Variants in PLPPR3 observed in about 807,000 individuals in gnomAD.
PLPPR3 encodes the protein phospholipid phosphatase-related protein type 3.
A neutral mutation model predicts 27.3 loss-of-function variants in PLPPR3; 14 were observed. The ratio of observed to expected loss-of-function variants is 0.51; its 90% CI spans 0.34 to 0.80. The LOEUF (loss-of-function observed/expected upper bound fraction) is 0.80, where lower values mean the gene tolerates loss of function less well. Among genes scored for constraint, PLPPR3 ranks in the 30% least tolerant of loss-of-function variants. The pLI is 0.01. For synonymous variants in PLPPR3, 671 were observed against 508.0 expected, an observed-to-expected ratio of 1.32 and a Z score of -4.32; for missense variants, 1,287 against 1,056.9, an observed-to-expected ratio of 1.22 and a Z score of -3.02.
rs867537433 is a variant in PLPPR3 at position 812,940 on chromosome 19, G to A, written c.1787C>T (p.Ser596Leu). ...HAPHHPVVHL[S>L]AGGAPWEWKA... ...CCACTCCCAGGGCGCGCCGCCGGCC[G>A]ACAGGTGCACCACGGGGTGGTGCGG... Residue 596 changes from serine (S) to leucine (L), a missense_variant, in exon 8 of 8, where the codon TCG becomes TTG. By Grantham distance (145) the Ser-to-Leu change is moderately radical. Transcript: ENST00000520876. 7.3e-7 allele frequency: 1 copy of A among 1,372,034 alleles called. No homozygotes were observed. The highest frequency in any genetic ancestry group is 1.4e-5 in the South Asian group (1 of 69,738). The allele number at this position is 1,372,034 out of a possible 1,614,324, so 85.0% of individuals were successfully genotyped here. A position where few individuals can be genotyped will look rare whatever the true frequency, so the allele number is the denominator to read the frequency against.
At position 814,522 on chromosome 19, in the gene PLPPR3, C is replaced by T; in HGVS notation, c.743G>A (p.Cys248Tyr). The T allele has an allele frequency of 6.2e-7, 1 of 1,611,650 alleles. No individual in the cohort carries two copies. The change falls in exon 7 of 8, where the codon TGC becomes TAC. Residue 248 changes from cysteine to tyrosine, a missense_variant. Cys to Tyr is a radical substitution (Grantham distance 194, BLOSUM62 -2). Transcript: ENST00000520876. ...VFAFAIAAGV[C>Y]GLTQITQYRS... ...GTACTGCGTGATCTGCGTGAGCCCG[C>T]ATACGCCCGCGGCGATGGCAAAGGC...
intron 2 of PLPPR3, among the ~76,000 whole-genome samples, chr19:816,753 TCCAC>T (rs2035067975): frequency 1.4e-5 from 2 of 143,906 alleles, no homozygotes; most frequent in Middle Eastern, 3.7e-3. Flanking sequence ...CATCCATCCA[TCCAC>T]CCACCCATCA....
At chr19:823,012 G>T (rs976045129), upstream of PLPPR3, among the ~76,000 whole-genome samples, 2 of 151,964 alleles carry the variant, frequency 1.3e-5, no homozygotes, top group African/African-American at 4.8e-5. Flanking sequence ...CCAGCTACTC[G>T]GGAGGCTGAG....
chr19:812,996 G>A lies in PLPPR3; in HGVS notation c.1731C>T (p.Ser577=), dbSNP rs576780885. The A allele has an allele frequency of 1.3e-5, 20 of 1,513,268 alleles. No homozygotes were observed. The Admixed American group carries it at 3.2e-4, about 24-fold the overall frequency. The allele number at this position is 1,513,268 out of a possible 1,614,324, so 93.7% of individuals were successfully genotyped here. Residue 577 remains serine, a synonymous_variant, in exon 8 of 8, where the codon TCC becomes TCT. Transcript: ENST00000520876. ...GCGCGTCGATGGTCACGATGCTGGCGGAGTCGCGGTCCGACGGCGACCGGT... is the reference window on the plus strand; with the variant it reads ...GCGCGTCGATGGTCACGATGCTGGCAGAGTCGCGGTCCGACGGCGACCGGT... ...SQYRSPSDRD[S]ASIVTIDAHA... is the part of the protein sequence containing the mutation.
upstream of PLPPR3, among the ~76,000 whole-genome samples, chr19:822,582 C>T (rs1051322412): frequency 3.3e-5 from 5 of 152,272 alleles, no homozygotes; most frequent in East Asian, 5.8e-4. Flanking sequence ...TGGCCGCAGC[C>T]GCTCGGTGCG....
Position 814,558 on chromosome 19 carries a change from A to G in PLPPR3, c.707T>C (p.Ile236Thr). ...GGCGATGGCAAAGGCGAAGACCAGG[A>G]TGGGCTTCAGCAGCTTGGTGGTGTC... ...ISDTTKLLKPILVFAFAIAAG... is the reference protein window; with the variant it reads ...ISDTTKLLKPTLVFAFAIAAG... The change falls in exon 7 of 8, where the codon ATC becomes ACC. Residue 236 changes from isoleucine to threonine, a missense_variant. Transcript: ENST00000520876. 1 of 1,612,278 alleles carries G rather than the reference A, an allele frequency of 6.2e-7. No homozygotes were observed. Among genetic ancestry groups the G allele is most frequent in the African/African-American group, 1.3e-5 (1 of 75,026 alleles).
chr19:815,429 GTGGA>G lies in PLPPR3; in HGVS notation c.262-106_262-103del, dbSNP rs1219110777. ...CCCACAGGCTGGCACAGGCCCCGGT[GTGGA>G]TGTTCACCGAGGTGGCGGGGGTGGG... On this transcript the variant is annotated intron_variant, in intron 3 of 7. Transcript: ENST00000520876. 1.3e-5 allele frequency: 17 copies of G among 1,327,364 alleles called. No individual in the cohort carries two copies. In the East Asian group the frequency reaches 3.0e-4, roughly 24 times the overall value. 82.2% of individuals were successfully genotyped at this position (1,327,364 alleles called of 1,614,324 possible). A position where few individuals can be genotyped will look rare whatever the true frequency, so the allele number is the denominator to read the frequency against.
At chr19:820,256 T>C (rs2035124830) in intron 2 of PLPPR3, among the ~76,000 whole-genome samples, 1 of 152,014 alleles carries the variant, frequency 6.6e-6, no homozygotes, top group Admixed American at 6.6e-5. Context: ...TGATCACAAC[T>C]CACTACAGCC....
At chr19:816,403 C>T (rs2035055605) in intron 2 of PLPPR3, among the ~76,000 whole-genome samples, 1 of 58,262 alleles carries the variant, frequency 1.7e-5, no homozygotes, top group Non-Finnish European at 3.2e-5. Flanking sequence ...CATCATCCAT[C>T]CACCCATTCT....
In PLPPR3 at chr19:813,300, G is replaced by A. The variant is rs1370087604; in HGVS notation, c.1427C>T (p.Pro476Leu). 2.1e-6 allele frequency: 3 copies of A among 1,458,932 alleles called. No homozygotes were observed. The highest frequency in any genetic ancestry group is 2.7e-5 in the South Asian group (2 of 73,032). The allele number at this position is 1,458,932 out of a possible 1,614,324, so 90.4% of individuals were successfully genotyped here. A position where few individuals can be genotyped will look rare whatever the true frequency, so the allele number is the denominator to read the frequency against. The change falls in exon 8 of 8, where the codon CCG (proline) becomes CTG (leucine). Residue 476 changes from proline to leucine, a missense_variant. Physicochemically the swap from Pro to Leu is moderately conservative, Grantham distance 98 (BLOSUM62 -3). Coordinates refer to ENST00000520876, the MANE Select transcript of PLPPR3 (RefSeq NM_001270366.2). The surrounding 1 kb of genome is among the most constrained non-coding windows in gnomAD (Gnocchi z 4.1). The part of the protein sequence containing the change: ...PSLYPTVQAR[P>L]GLGPRVILPP... ...GAGGATGACCCGAGGCCCCAGCCCC[G>A]GCCGCGCCTGCACGGTGGGGTAGAG...
At chr19:822,141 C>CCGGGGGTCT (rs1156430579), upstream of PLPPR3, among the ~76,000 whole-genome samples, 1 of 151,730 alleles carries the variant, frequency 6.6e-6, no homozygotes, top group Non-Finnish European at 1.5e-5. Flanking sequence ...CCTCCCACCG[C>CCGGGGGTCT]CGGGGGTCTC....
Position 814,415 on chromosome 19 carries a change from A to C in PLPPR3, c.831+19T>G, listed in dbSNP as rs1339057046. ...CCCCTGGGAACCCATGCCGACCCCC[A>C]TCAGAACCTGCCACTCACCAGGTAG... On this transcript the variant is annotated intron_variant, in intron 7 of 7. Transcript: ENST00000520876. The C allele has an allele frequency of 4.4e-6, 7 of 1,584,686 alleles. No homozygotes were observed. Among genetic ancestry groups the C allele is most frequent in the Non-Finnish European group, 6.0e-6 (7 of 1,168,034 alleles).
chr19:813,600 G>T lies in PLPPR3; in HGVS notation c.1127C>A (p.Thr376Lys). The T allele has an allele frequency of 6.5e-7, 1 of 1,548,514 alleles. No homozygotes were observed. Among genetic ancestry groups the T allele is most frequent in the Non-Finnish European group, 8.7e-7 (1 of 1,148,228 alleles). Residue 376 changes from threonine to lysine, a missense_variant, in exon 8 of 8, where the codon ACG (threonine) becomes AAG (lysine). Transcript: ENST00000520876. The surrounding 1 kb of genome is among the most constrained non-coding windows in gnomAD (Gnocchi z 4.1). ...AKENMVTFSH[T>K]LPRASAPSLD... ...CGAGGGCGCGCTGGCCCTGGGCAGC[G>T]TGTGGCTGAAGGTCACCATGTTCTC...
Position 813,540 on chromosome 19 carries a change from T to G in PLPPR3, c.1187A>C (p.His396Pro). Reference sequence around the variant, plus strand: ...GGAGCGCGAGGCGTCCAGCGGCACGTGGATGGTCATGTGGCGGCGCGCGGG... The same window carrying G: ...GGAGCGCGAGGCGTCCAGCGGCACGGGGATGGTCATGTGGCGGCGCGCGGG... ...DDPARRHMTI[H>P]VPLDASRSKQ... is the part of the protein sequence containing the mutation. The change falls in exon 8 of 8, where the codon CAC becomes CCC. Residue 396 changes from histidine to proline, a missense_variant. By Grantham distance (77) the His-to-Pro change is moderately conservative. Coordinates refer to ENST00000520876, the MANE Select transcript of PLPPR3 (RefSeq NM_001270366.2). The surrounding 1 kb of genome is among the most constrained non-coding windows in gnomAD (Gnocchi z 4.1). 6.4e-7 allele frequency: 1 copy of G among 1,562,372 alleles called. No individual in the cohort carries two copies. Among genetic ancestry groups the G allele is most frequent in the Non-Finnish European group, 8.7e-7 (1 of 1,155,678 alleles).
Position 813,084 on chromosome 19 carries a change from G to A in PLPPR3, c.1643C>T (p.Ala548Val), listed in dbSNP as rs1468733503. 2 of 1,495,890 alleles carry A rather than the reference G, an allele frequency of 1.3e-6. No individual in the cohort carries two copies. Among genetic ancestry groups the A allele is most frequent in the East Asian group, 2.6e-5 (1 of 38,322 alleles). The allele number at this position is 1,495,890 out of a possible 1,614,324, so 92.7% of individuals were successfully genotyped here. The part of the protein sequence containing the change: ...QVIAMSKAPG[A>V]PGPKAAETAS... ...CGTCTCGGCCGCCTTGGGGCCCGGC[G>A]CGCCCGGAGCCTTGGACATGGCGAT... The change falls in exon 8 of 8, where the codon GCG becomes GTG. Residue 548 changes from alanine (A) to valine (V), a missense_variant. Coordinates refer to ENST00000520876, the MANE Select transcript of PLPPR3 (RefSeq NM_001270366.2). The surrounding 1 kb of genome is among the most constrained non-coding windows in gnomAD (Gnocchi z 4.1).
chr19:813,867 G>A lies in PLPPR3; in HGVS notation c.860C>T (p.Ala287Val), dbSNP rs1300157805. Residue 287 changes from alanine (A) to valine (V), a missense_variant, in exon 8 of 8, where the codon GCC becomes GTC. By Grantham distance (64) the Ala-to-Val change is moderately conservative. Coordinates refer to ENST00000520876, the MANE Select transcript of PLPPR3 (RefSeq NM_001270366.2). This position sits in a 1 kb window ranked among gnomAD's most constrained non-coding sequence, Gnocchi z 4.1. ...LACHAVGNFQAPPAEKPAAPA... is the reference protein window; with the variant it reads ...LACHAVGNFQVPPAEKPAAPA... ...GGCCGCGGGCTTCTCTGCAGGTGGG[G>A]CCTGGAAGTTGCCCACCGCGTGGCA... 2.1e-6 allele frequency: 3 copies of A among 1,446,758 alleles called. No individual in the cohort carries two copies. The highest frequency in any genetic ancestry group is 1.8e-4 in the Middle Eastern group (1 of 5,548). 89.6% of individuals were successfully genotyped at this position (1,446,758 alleles called of 1,614,324 possible). A position where few individuals can be genotyped will look rare whatever the true frequency, so the allele number is the denominator to read the frequency against.
intron 2 of PLPPR3, among the ~76,000 whole-genome samples, chr19:816,683 C>A (rs2035065723): frequency 6.6e-6 from 1 of 151,764 alleles, no homozygotes; most frequent in African/African-American, 2.4e-5. Flanking sequence ...ATGGTACCAT[C>A]CATCTATCCA....
chr19:813,428 G>A lies in PLPPR3; in HGVS notation c.1299C>T (p.Arg433=). The change falls in exon 8 of 8, where the codon CGC becomes CGT. Residue 433 remains arginine (R), a synonymous_variant. Transcript: ENST00000520876. The surrounding 1 kb of genome is among the most constrained non-coding windows in gnomAD (Gnocchi z 4.1). The part of the protein sequence containing the change: ...LPDDASPGHL[R]APAEPMAEEE... ...CCTCCGCCATGGGTTCGGCGGGCGCGCGCAGGTGCCCGGGGCTGGCGTCGT... is the reference window on the plus strand; with the variant it reads ...CCTCCGCCATGGGTTCGGCGGGCGCACGCAGGTGCCCGGGGCTGGCGTCGT... The A allele has an allele frequency of 6.6e-7, 1 of 1,510,448 alleles. No homozygotes were observed. The highest frequency in any genetic ancestry group is 1.2e-5 in the South Asian group (1 of 80,602). The allele number at this position is 1,510,448 out of a possible 1,614,324, so 93.6% of individuals were successfully genotyped here. A position where few individuals can be genotyped will look rare whatever the true frequency, so the allele number is the denominator to read the frequency against.
At chr19:816,105 C>T (rs2035048259) in intron 2 of PLPPR3, among the ~76,000 whole-genome samples, 1 of 152,056 alleles carries the variant, frequency 6.6e-6, no homozygotes, top group Admixed American at 6.6e-5. Flanking sequence ...CATCCACCCA[C>T]TCACCGACCC....
Sources: allele counts gnomAD v4.1 joint callset (sites outside exome capture counted in the v4.1 genomes callset), GRCh38; gene constraint gnomAD v4.1.1; non-coding constraint Gnocchi (gnomAD v3.1); transcripts MANE v1.5; gene names NCBI Gene and HGNC (gene_info 2026-07-23, HGNC 2026-07-21).